Variants in FAM114A2 observed in about 807,000 individuals in gnomAD.
FAM114A2 encodes protein FAM114A2.
In FAM114A2, 53 loss-of-function variants were observed where a neutral mutation model predicts 58.4. The observed-to-expected ratio is 0.91, with a 90% CI of 0.73 to 1.14. FAM114A2 has a LOEUF of 1.14. FAM114A2 is among the 50% of genes most tolerant of loss of function. The probability of loss-of-function intolerance (pLI) is 0.00; values close to 1 mark genes in which losing one functional copy is unlikely to be tolerated. For missense variants in FAM114A2, 601 were observed against 581.1 expected (o/e 1.03, Z -0.35); for synonymous variants, 228 against 211.4 (o/e 1.08, Z -0.68).
At chr5:154,013,354 A>G (rs982338857) in intron 8 of FAM114A2, among the ~76,000 whole-genome samples, 1 of 152,206 alleles carries the variant, frequency 6.6e-6, no homozygotes, top group African/African-American at 2.4e-5. Context: ...CAACATCATA[A>G]CCAGAACCAG....
chr5:154,025,571 T>C (rs1771721693), intron 8 of FAM114A2, among the ~76,000 whole-genome samples: 2 of 152,126 alleles, frequency 1.3e-5, no homozygotes, highest in South Asian at 4.1e-4. Flanking sequence ...ATCACTGATT[T>C]AACCTACTAC....
intron 9 of FAM114A2, among the ~76,000 whole-genome samples, chr5:154,007,084 C>T (rs1398832336): frequency 2.0e-5 from 3 of 152,010 alleles, no homozygotes; most frequent in Admixed American, 1.3e-4. Context: ...CGTGAGCCAC[C>T]GCGCCTGGCC....
chr5:154,017,631 T>G (rs1771128762), intron 8 of FAM114A2, among the ~76,000 whole-genome samples: 1 of 152,128 alleles, frequency 6.6e-6, no homozygotes, highest in Admixed American at 6.5e-5. Context: ...CAACAACTGC[T>G]GAATATACAT....
At chr5:154,031,762 C>T (rs1400824625) in intron 4 of FAM114A2, among the ~76,000 whole-genome samples, 1 of 152,226 alleles carries the variant, frequency 6.6e-6, no homozygotes, top group Non-Finnish European at 1.5e-5. Context: ...AATCTCCCTT[C>T]TCCAGATTAC....
intron 13 of FAM114A2, 81 bp from the exon 14 acceptor site, chr5:153,993,191 G>C: frequency 8.6e-7 from 1 of 1,167,654 alleles, no homozygotes; most frequent in Non-Finnish European, 1.2e-6. Context: ...CAGGGGAACA[G>C]ATTAATTTTT....
intron 4 of FAM114A2, 46 bp downstream of exon 4, chr5:154,033,745 C>T: frequency 8.8e-7 from 1 of 1,139,564 alleles, no homozygotes; most frequent in Admixed American, 2.0e-5. Context: ...TTCAACTGTT[C>T]CATTTCAATT....
chr5:154,019,441 A>G (rs909032502), intron 8 of FAM114A2, among the ~76,000 whole-genome samples: 16 of 152,246 alleles, frequency 1.1e-4, no homozygotes, highest in African/African-American at 3.4e-4. Context: ...CAACATTTTG[A>G]AAATGACCAC....
At chr5:154,006,460 A>T (rs1049257425) in intron 9 of FAM114A2, among the ~76,000 whole-genome samples, 2 of 152,232 alleles carry the variant, frequency 1.3e-5, no homozygotes, top group Non-Finnish European at 2.9e-5. Flanking sequence ...ATAGTTAGGC[A>T]AAGAGAGTTG....
chr5:154,016,817 C>T (rs1332419374), intron 8 of FAM114A2, among the ~76,000 whole-genome samples: 1 of 152,026 alleles, frequency 6.6e-6, no homozygotes, highest in Non-Finnish European at 1.5e-5. Flanking sequence ...CCTAAACGCT[C>T]CACTTAAAAG....
chr5:154,037,666 A>G (rs922517682), intron 1 of FAM114A2, among the ~76,000 whole-genome samples: 3 of 152,218 alleles, frequency 2.0e-5, no homozygotes, highest in Non-Finnish European at 2.9e-5. Flanking sequence ...TATAATATAC[A>G]TATTACATAA....
At chr5:153,997,766 G>A (rs200022226) in intron 12 of FAM114A2, 37 bp downstream of exon 12, 11 of 1,217,856 alleles carry the variant, frequency 9.0e-6, no homozygotes, top group Non-Finnish European at 1.3e-5. Context: ...AAAGAAACCA[G>A]ACAAACATTA....
intron 8 of FAM114A2, among the ~76,000 whole-genome samples, chr5:154,012,351 C>A (rs1055285586): frequency 1.3e-5 from 2 of 152,080 alleles, no homozygotes; most frequent in South Asian, 2.1e-4. Context: ...CCAATCAGTG[C>A]GAAATGCTCT....
rs116026418 is a variant in FAM114A2 at position 154,000,100 on chromosome 5, G to C, written c.1256+2151C>G. Among the ~76,000 whole-genome samples, 440 of 152,186 alleles carry C rather than the reference G, an allele frequency of 2.9e-3. 3 individuals are homozygous for C. Among genetic ancestry groups the C allele is most frequent in the African/African-American group, 0.01 (424 of 41,526 alleles). On this transcript the variant is annotated intron_variant, in intron 11 of 13. Transcript: ENST00000351797. ...AAGTGAAATAAGCCAAGCACAGAAA[G>C]ACAAACACCTCATGTTCTCACTCAT... is the stretch of plus-strand genomic sequence containing the variant.
intron 8 of FAM114A2, among the ~76,000 whole-genome samples, chr5:154,020,411 A>T (rs1581808918): frequency 1.3e-5 from 2 of 152,130 alleles, no homozygotes; most frequent in Non-Finnish European, 2.9e-5. Flanking sequence ...AGCGAGACTA[A>T]CAAAGAAGAG....
intron 3 of FAM114A2, 70 bp from the exon 4 acceptor site, chr5:154,033,953 A>G (rs1223319733): frequency 2.1e-6 from 2 of 955,988 alleles, no homozygotes; most frequent in African/African-American, 1.6e-5. Context: ...TCAAACTTGA[A>G]GATTTTTAAA....
chr5:153,998,775 G>A (rs1769758103), intron 11 of FAM114A2, among the ~76,000 whole-genome samples: 1 of 151,974 alleles, frequency 6.6e-6, no homozygotes. Context: ...TCTTTTCTTT[G>A]TAAATTACCC....
chr5:153,998,995 A>G (rs983732776), intron 11 of FAM114A2, among the ~76,000 whole-genome samples: 2 of 152,232 alleles, frequency 1.3e-5, no homozygotes, highest in Non-Finnish European at 2.9e-5. Flanking sequence ...TCTATCCGTA[A>G]AACTGTGAGA....
rs1769254386 is a variant in FAM114A2 at position 153,991,693 on chromosome 5, T to C, written c.*1283A>G. 1 of 60,906 alleles carries C rather than the reference T, an allele frequency of 1.6e-5. No homozygotes were observed. The highest frequency in any genetic ancestry group is 1.5e-4 in the Admixed American group (1 of 6,848). The allele number at this position is 60,906 out of a possible 1,614,324, so 3.8% of individuals were successfully genotyped here. On this transcript the variant is annotated 3_prime_UTR_variant, in exon 14 of 14. Transcript: ENST00000351797. ...TCTATGTTATGGCTTTGCTTTGCTATTTTTTTTTTTTTTTTTTGGTCTAAG... is the reference window on the plus strand; with the variant it reads ...TCTATGTTATGGCTTTGCTTTGCTACTTTTTTTTTTTTTTTTTGGTCTAAG...
intron 8 of FAM114A2, among the ~76,000 whole-genome samples, chr5:154,024,757 C>G (rs1274806922): frequency 6.6e-6 from 1 of 151,990 alleles, no homozygotes; most frequent in Non-Finnish European, 1.5e-5. Context: ...GGTCTTTTAC[C>G]CATGGTGATT....
Sources: allele counts gnomAD v4.1 joint callset (sites outside exome capture counted in the v4.1 genomes callset), GRCh38; gene constraint gnomAD v4.1.1; transcripts MANE v1.5; gene names NCBI Gene and HGNC (gene_info 2026-07-23, HGNC 2026-07-21).